The following SRRM3 variants were observed in gnomAD, a reference collection of about 807,000 sequenced individuals.
The protein encoded by SRRM3 is serine/arginine repetitive matrix protein 3.
In SRRM3, 27 loss-of-function variants were observed where a neutral mutation model predicts 66.2. The ratio of observed to expected loss-of-function variants is 0.41; its 90% CI spans 0.30 to 0.56. The LOEUF (loss-of-function observed/expected upper bound fraction) is 0.56, where lower values mean the gene tolerates loss of function less well. SRRM3 is among the 20% of genes least tolerant of loss of function. The pLI is 0.32. For missense variants in SRRM3, 918 were observed against 991.9 expected, an observed-to-expected ratio of 0.93 and a Z score of 1.00; for synonymous variants, 391 against 414.9, an observed-to-expected ratio of 0.94 and a Z score of 0.70.
chr7:76,269,912 T>C (rs1429059295), intron 11 of SRRM3: 1 of 151,990 alleles, frequency 6.6e-6, no homozygotes, highest in African/African-American at 2.4e-5. Flanking sequence ...TAAGTGAACA[T>C]TAATCATATA....
chr7:76,274,741 C>T (rs1446255271), intron 11 of SRRM3, among the ~76,000 whole-genome samples: 1 of 152,112 alleles, frequency 6.6e-6, no homozygotes, highest in Non-Finnish European at 1.5e-5. Context: ...AGAGGTGGAC[C>T]CTAGGGGACC....
In SRRM3 at chr7:76,261,545, G is replaced by T. The variant is rs374740695; in HGVS notation, c.639-1G>T. On this transcript the variant is annotated splice_acceptor_variant, in intron 7 of 14. Transcript: ENST00000611745. LOFTEE classifies it high-confidence loss of function. ...AAGAGAACTCCTTTATCGCCCTACA[G>T]GTCTGATTCTGGGTCCCGGAGGAAG... The T allele has an allele frequency of 3.1e-6, 5 of 1,611,840 alleles. No individual in the cohort carries two copies. Among genetic ancestry groups the T allele is most frequent in the Non-Finnish European group, 4.2e-6 (5 of 1,179,048 alleles).
intron 12 of SRRM3, 69 bp from the exon 13 acceptor site, chr7:76,282,564 AAGCCCCGCCCCAGGG>A: frequency 1.9e-6 from 1 of 522,444 alleles, no homozygotes; most frequent in Non-Finnish European, 2.8e-6. Flanking sequence ...CCTCCGCCCT[AAGCCCCGCCCCAGGG>A]AACCCTCCCC....
intron 2 of SRRM3, among the ~76,000 whole-genome samples, chr7:76,237,282 C>G (rs1801175777): frequency 6.6e-6 from 1 of 152,192 alleles, no homozygotes; most frequent in Non-Finnish European, 1.5e-5. Flanking sequence ...TGGCATGCAC[C>G]TCTAGTCCCA....
chr7:76,261,145 G>C (rs1397709690), intron 6 of SRRM3, among the ~76,000 whole-genome samples: 1 of 151,872 alleles, frequency 6.6e-6, no homozygotes, highest in Non-Finnish European at 1.5e-5. Context: ...CACAATTGTG[G>C]GGACAACATA....
At chr7:76,206,685 G>T (rs1800308602) in intron 1 of SRRM3, among the ~76,000 whole-genome samples, 1 of 152,180 alleles carries the variant, frequency 6.6e-6, no homozygotes, top group Non-Finnish European at 1.5e-5. Context: ...CTAGAAGACA[G>T]GCCCCTGGGG....
intron 14 of SRRM3, 87 bp downstream of exon 14, chr7:76,283,188 T>C (rs1802574384): frequency 5.9e-6 from 7 of 1,189,708 alleles, no homozygotes; most frequent in African/African-American, 1.6e-5. Context: ...GGGGACCTTC[T>C]CTGAGGATCC....
rs1802030852 is a variant in SRRM3, at chr7:76,266,232, A to AATATATATAAATATTTATATATATTTAAT, written c.830+786_830+787insATTTAATATATATATAAATATTTATATAT. 1.3e-4 allele frequency among the ~76,000 whole-genome samples: 10 copies of AATATATATAAATATTTATATATATTTAAT among 74,964 alleles called. 1 individual carries two copies. Among genetic ancestry groups the AATATATATAAATATTTATATATATTTAAT allele is most frequent in the Non-Finnish European group, 2.0e-4 (10 of 49,386 alleles). The allele number at this position is 74,964 out of a possible 152,430, so 49.2% of individuals were successfully genotyped here. A position where few individuals can be genotyped will look rare whatever the true frequency, so the allele number is the denominator to read the frequency against. On this transcript the variant is annotated intron_variant, in intron 10 of 14. Transcript: ENST00000611745. ...AATATATATAAATATTTATATATTT[A>AATATATATAAATATTTATATATATTTAAT]ATATATATAAATATTTATATATTTA...
intron 1 of SRRM3, among the ~76,000 whole-genome samples, chr7:76,220,231 G>C (rs1351042881): frequency 6.6e-6 from 1 of 152,178 alleles, no homozygotes; most frequent in East Asian, 1.9e-4. Flanking sequence ...CAGCCAAGGA[G>C]CAACAGTCAT....
chr7:76,212,578 C>T (rs572620363), intron 1 of SRRM3, among the ~76,000 whole-genome samples: 3 of 151,090 alleles, frequency 2.0e-5, no homozygotes, highest in African/African-American at 7.3e-5. Context: ...AAGCGATTCT[C>T]CTGCCTCAGC....
At chr7:76,221,712 T>C (rs1204509204) in intron 1 of SRRM3, among the ~76,000 whole-genome samples, 6 of 152,340 alleles carry the variant, frequency 3.9e-5, no homozygotes, top group African/African-American at 1.2e-4. Context: ...CTGTGTGGGT[T>C]TGTATCTGTG....
chr7:76,283,146 C>A (rs1554612276), intron 14 of SRRM3, 45 bp downstream of exon 14: 1 of 1,361,774 alleles, frequency 7.3e-7, no homozygotes, highest in Non-Finnish European at 9.4e-7. Flanking sequence ...GCTGGGGCCG[C>A]TGACCCGGAT....
chr7:76,286,086 C>T lies in SRRM3; in HGVS notation c.*243C>T, dbSNP rs1277661510. 3.5e-6 allele frequency: 2 copies of T among 575,326 alleles called. No individual in the cohort carries two copies. Among genetic ancestry groups the T allele is most frequent in the South Asian group, 4.8e-5 (2 of 41,668 alleles). The allele number at this position is 575,326 out of a possible 1,614,324, so 35.6% of individuals were successfully genotyped here. ...CCACCTCCTGTCCACCCACTGTGCC[C>T]GGGGAACAAAGAGCCGTTACGAACA... On this transcript the variant is annotated 3_prime_UTR_variant, in exon 15 of 15. Coordinates refer to ENST00000611745, the MANE Select transcript of SRRM3 (RefSeq NM_001110199.3).
intron 3 of SRRM3, among the ~76,000 whole-genome samples, chr7:76,253,955 A>T (rs1441521562): frequency 2.0e-5 from 3 of 152,080 alleles, no homozygotes; most frequent in South Asian, 4.1e-4. Flanking sequence ...CTCTCAGGAC[A>T]GGTTGTATCA....
chr7:76,282,236 C>A (rs781893530), intron 12 of SRRM3, among the ~76,000 whole-genome samples: 34 of 134,814 alleles, frequency 2.5e-4, no homozygotes, highest in African/African-American at 6.8e-4. Flanking sequence ...AGCCCCCCGA[C>A]GGAGTTCTCC....
At chr7:76,261,607 G>T in intron 8 of SRRM3, 26 bp downstream of exon 8, 2 of 1,606,034 alleles carry the variant, frequency 1.2e-6, no homozygotes, top group Middle Eastern at 1.7e-4. Flanking sequence ...CAGAGGACAT[G>T]GTCAGTGGTC....
At chr7:76,232,060 T>A (rs1801029087) in intron 1 of SRRM3, among the ~76,000 whole-genome samples, 2 of 152,178 alleles carry the variant, frequency 1.3e-5, no homozygotes, top group African/African-American at 4.8e-5. Flanking sequence ...GCAGGCCGTA[T>A]CAAGGACCAT....
At chr7:76,210,309 G>T (rs550983833) in intron 1 of SRRM3, among the ~76,000 whole-genome samples, 1 of 152,308 alleles carries the variant, frequency 6.6e-6, no homozygotes, top group South Asian at 2.1e-4. Flanking sequence ...AGGCAGGAAA[G>T]CTGGAACATT....
intron 1 of SRRM3, among the ~76,000 whole-genome samples, chr7:76,230,885 G>C (rs1199365400): frequency 1.3e-5 from 2 of 151,634 alleles, no homozygotes; most frequent in Non-Finnish European, 2.9e-5. Flanking sequence ...TGAGTAGCTG[G>C]GATTACAGGC....
Sources: gnomAD v4.1 joint callset for allele counts (sites outside exome capture counted in the v4.1 genomes callset) on GRCh38, gnomAD v4.1.1 for gene constraint, MANE v1.5 for transcripts, NCBI Gene and HGNC (gene_info 2026-07-23, HGNC 2026-07-21) for gene names.